PLCL1: variants seen among roughly 807,000 people sequenced by gnomAD.
PLCL1 encodes the protein inactive phospholipase C-like protein 1.
In PLCL1, 41 loss-of-function variants were observed where a neutral mutation model predicts 84.4. The ratio of observed to expected loss-of-function variants is 0.49; its 90% confidence interval spans 0.38 to 0.63. PLCL1 has a LOEUF of 0.63. PLCL1 is among the 30% of genes least tolerant of loss of function. PLCL1 has a pLI of 0.00. For missense variants in PLCL1, 1,206 were observed against 1,367.8 expected, an observed-to-expected ratio of 0.88 and a Z score of 1.87; for synonymous variants, 490 against 488.3, an observed-to-expected ratio of 1.00 and a Z score of -0.05.
At chr2:197,929,690 T>G (rs148498621) in intron 1 of PLCL1, among the ~76,000 whole-genome samples, 4 of 152,322 alleles carry the variant, frequency 2.6e-5, no homozygotes, top group African/African-American at 9.6e-5. Context: ...GCTTCACATT[T>G]GGATTCTGGG....
intron 1 of PLCL1, among the ~76,000 whole-genome samples, chr2:198,018,096 G>A (rs1260924935): frequency 6.6e-6 from 1 of 152,184 alleles, no homozygotes; most frequent in African/African-American, 2.4e-5. Flanking sequence ...CAGAAGCAGG[G>A]TGGGGCATTG....
At chr2:197,845,917 T>C (rs1262652503) in intron 1 of PLCL1, among the ~76,000 whole-genome samples, 1 of 152,096 alleles carries the variant, frequency 6.6e-6, no homozygotes, top group Non-Finnish European at 1.5e-5. Flanking sequence ...CTAAGTGCCA[T>C]AGCCAAAAGA....
intron 1 of PLCL1, among the ~76,000 whole-genome samples, chr2:197,977,654 T>C (rs867262828): frequency 6.6e-6 from 1 of 152,292 alleles, no homozygotes; most frequent in Middle Eastern, 3.4e-3. Context: ...CCCTGTCCCT[T>C]TCCTGCCAGG....
intron 1 of PLCL1, among the ~76,000 whole-genome samples, chr2:197,883,589 G>A (rs1333656386): frequency 6.6e-6 from 1 of 152,132 alleles, no homozygotes; most frequent in Non-Finnish European, 1.5e-5. Context: ...ACTTGCCAAA[G>A]GAGTATGACA....
At chr2:197,915,976 A>C (rs1343787839) in intron 1 of PLCL1, among the ~76,000 whole-genome samples, 1 of 152,234 alleles carries the variant, frequency 6.6e-6, no homozygotes, top group Non-Finnish European at 1.5e-5. Context: ...AGTTGCTATA[A>C]CTAAGAGCCT....
intron 1 of PLCL1, among the ~76,000 whole-genome samples, chr2:197,833,633 C>T (rs965235931): frequency 6.6e-6 from 1 of 152,060 alleles, no homozygotes; most frequent in Admixed American, 6.5e-5. Context: ...ATGTGAAGGA[C>T]CTCTTCAAGG....
At chr2:197,820,028 C>T (rs1013174432) in intron 1 of PLCL1, among the ~76,000 whole-genome samples, 2 of 151,906 alleles carry the variant, frequency 1.3e-5, no homozygotes, top group African/African-American at 4.8e-5. Flanking sequence ...ATTCATCTGG[C>T]TGGAATGGAG....
chr2:198,052,409 A>T (rs780280325), intron 1 of PLCL1, among the ~76,000 whole-genome samples: 3 of 152,160 alleles, frequency 2.0e-5, no homozygotes, highest in Non-Finnish European at 4.4e-5. Context: ...TGTAAAATTT[A>T]TGCATTTTTA....
At chr2:198,082,802 G>C (rs1692753223) in intron 1 of PLCL1, among the ~76,000 whole-genome samples, 1 of 152,158 alleles carries the variant, frequency 6.6e-6, no homozygotes, top group Non-Finnish European at 1.5e-5. Flanking sequence ...CGATAGGTGA[G>C]AAGGCCTAGA....
At chr2:198,089,133 G>GTGTTATTCAT in intron 3 of PLCL1, 72 bp downstream of exon 3, 3 of 1,081,716 alleles carry the variant, frequency 2.8e-6, no homozygotes, top group Non-Finnish European at 4.3e-6. Context: ...GGACTCCTCT[G>GTGTTATTCAT]TGGAACTCCA....
At chr2:197,931,267 G>A (rs1291163519) in intron 1 of PLCL1, among the ~76,000 whole-genome samples, 1 of 152,140 alleles carries the variant, frequency 6.6e-6, no homozygotes, top group African/African-American at 2.4e-5. Context: ...GTGAAAGTCA[G>A]ACTTAAACTT....
At chr2:197,824,036 G>T (rs1278056266) in intron 1 of PLCL1, among the ~76,000 whole-genome samples, 1 of 152,132 alleles carries the variant, frequency 6.6e-6, no homozygotes, top group East Asian at 1.9e-4. Context: ...AGTACTTACA[G>T]AATTTGACAC....
intron 1 of PLCL1, among the ~76,000 whole-genome samples, chr2:197,933,614 A>T (rs1258202969): frequency 6.6e-6 from 1 of 152,132 alleles, no homozygotes; most frequent in Admixed American, 6.5e-5. Flanking sequence ...GTAATTGGTG[A>T]ATTGACTATT....
chr2:197,829,597 T>C (rs2105653639), intron 1 of PLCL1, among the ~76,000 whole-genome samples: 1 of 152,358 alleles, frequency 6.6e-6, no homozygotes, highest in South Asian at 2.1e-4. Flanking sequence ...TTTGCTGTTC[T>C]ATTATAAGTA....
At chr2:197,909,941 T>C (rs1035464008) in intron 1 of PLCL1, among the ~76,000 whole-genome samples, 3 of 152,210 alleles carry the variant, frequency 2.0e-5, no homozygotes, top group Non-Finnish European at 4.4e-5. Context: ...GTGGTTCTAC[T>C]CAGATTTCAA....
intron 1 of PLCL1, among the ~76,000 whole-genome samples, chr2:197,866,551 AT>A (rs1454563284): frequency 6.6e-6 from 1 of 152,018 alleles, no homozygotes; most frequent in Admixed American, 6.6e-5. Context: ...TCAAATGCTG[AT>A]TTGCCCATGG....
intron 1 of PLCL1, among the ~76,000 whole-genome samples, chr2:198,079,787 T>C (rs1692664445): frequency 6.6e-6 from 1 of 152,210 alleles, no homozygotes; most frequent in Non-Finnish European, 1.5e-5. Flanking sequence ...AAATGATAAT[T>C]TGGAGACTTA....
chr2:198,025,757 C>A (rs574339321), intron 1 of PLCL1, among the ~76,000 whole-genome samples: 1 of 152,176 alleles, frequency 6.6e-6, no homozygotes, highest in Admixed American at 6.6e-5. Context: ...CCCTGGACAG[C>A]CTGGGAAAAC....
At chr2:198,072,678 G>T (rs1245229685) in intron 1 of PLCL1, among the ~76,000 whole-genome samples, 1 of 151,876 alleles carries the variant, frequency 6.6e-6, no homozygotes, top group Admixed American at 6.6e-5. Context: ...ACTGAGTTTT[G>T]TTGTGAATTG....
Sources: allele counts gnomAD v4.1 joint callset (sites outside exome capture counted in the v4.1 genomes callset), GRCh38; gene constraint gnomAD v4.1.1; transcripts MANE v1.5; gene names NCBI Gene and HGNC (gene_info 2026-07-23, HGNC 2026-07-21).